ZSCAN5A: variants seen among roughly 807,000 people sequenced by gnomAD.
ZSCAN5A encodes the protein zinc finger and SCAN domain-containing protein 5A.
In ZSCAN5A, 12 loss-of-function variants were observed where a neutral mutation model predicts 23.7. That is an observed-to-expected ratio of 0.51 (90% confidence interval 0.32 to 0.82). ZSCAN5A has a LOEUF of 0.82. Among genes scored for constraint, ZSCAN5A ranks in the 40% least tolerant of loss-of-function variants. ZSCAN5A has a pLI of 0.03. For synonymous variants in ZSCAN5A, 257 were observed against 239.9 expected, an observed-to-expected ratio of 1.07 and a Z score of -0.66; for missense variants, 597 against 617.9, an observed-to-expected ratio of 0.97 and a Z score of 0.36.
At chr19:56,250,369 A>C (rs977809825) in intron 2 of ZSCAN5A, among the ~76,000 whole-genome samples, 2 of 152,226 alleles carry the variant, frequency 1.3e-5, no homozygotes, top group African/African-American at 4.8e-5. Context: ...CCACTGGTGT[A>C]CAGTATAAAG....
rs1277553411 is a variant in ZSCAN5A, at chr19:56,221,626, C to G, written c.1440G>C (p.Leu480=). 6.2e-7 allele frequency: 1 copy of G among 1,611,640 alleles called. No homozygotes were observed. Among genetic ancestry groups the G allele is most frequent in the East Asian group, 2.2e-5 (1 of 44,870 alleles). Residue 480 remains leucine, a synonymous_variant, in exon 6 of 6, where the codon CTG becomes CTC. Coordinates refer to ENST00000683990, the MANE Select transcript of ZSCAN5A (RefSeq NM_001322064.3). ...TTTTCTGGTGGCGTCTTAACAATTT[C>G]AGCCGACTGAAGGCTCTTGGACACT... ...CSKCPRAFSR[L]KLLRRHQKTH...
At position 56,302,581 on chromosome 19, in the gene ZSCAN5A, C is replaced by CTCCCTCCCCTCTT. The variant is rs1555807484; in HGVS notation, c.-128+10701_-128+10702insAAGAGGGGAGGGA. On this transcript the variant is annotated intron_variant, in intron 2 of 5. Coordinates refer to ENST00000683990, the MANE Select transcript of ZSCAN5A (RefSeq NM_001322064.3). Reference sequence around the variant, plus strand: ...CCTCCCCCCTTCCTTTTCTTCCTCCCCCTTTTCTTCCTCTCCCTCTTCTTC... The same window carrying CTCCCTCCCCTCTT: ...CCTCCCCCCTTCCTTTTCTTCCTCCCTCCCTCCCCTCTTCCTTTTCTTCCTCTCCCTCTTCTTC... Among the ~76,000 whole-genome samples, 49 of 40,018 alleles carry CTCCCTCCCCTCTT rather than the reference C, an allele frequency of 1.2e-3. 3 individuals carry two copies. The East Asian group carries it at 0.018, about 15-fold the overall frequency. 26.3% of individuals were successfully genotyped at this position (40,018 alleles called of 152,430 possible). A position where few individuals can be genotyped will look rare whatever the true frequency, so the allele number is the denominator to read the frequency against.
Position 56,321,905 on chromosome 19 carries a change from A to T in ZSCAN5A, c.-357-5637T>A, listed in dbSNP as rs1019046036. On this transcript the variant is annotated intron_variant, in intron 2 of 6. Coordinates refer to the ZSCAN5A transcript ENST00000587340. ...ACGCTCATCAAGGGCTTCTGTTACC[A>T]TCCGGTACTGCTCAATATCCAACTT... The T allele has an allele frequency of 5.1e-6, 4 of 784,478 alleles. No homozygotes were observed. The South Asian group carries it at 5.4e-5, about 11-fold the overall frequency. The allele number at this position is 784,478 out of a possible 1,614,324, so 48.6% of individuals were successfully genotyped here. A position where few individuals can be genotyped will look rare whatever the true frequency, so the allele number is the denominator to read the frequency against.
chr19:56,229,688 T>C (rs543442999), intron 2 of ZSCAN5A, among the ~76,000 whole-genome samples: 6 of 152,344 alleles, frequency 3.9e-5, no homozygotes, highest in East Asian at 1.9e-4. Flanking sequence ...AATCTGCTGA[T>C]GTCTATTAAT....
chr19:56,268,120 T>G (rs140381845), intron 2 of ZSCAN5A, among the ~76,000 whole-genome samples: 4 of 152,108 alleles, frequency 2.6e-5, no homozygotes. Flanking sequence ...CTATCTAGGA[T>G]AGATGTGAAG....
chr19:56,313,921 T>G (rs2041204255), intron 1 of ZSCAN5A, among the ~76,000 whole-genome samples: 1 of 152,188 alleles, frequency 6.6e-6, no homozygotes, highest in Admixed American at 6.5e-5. Flanking sequence ...GGAAAACTTT[T>G]AGGGCAGCAG....
chr19:56,287,002 G>A (rs2039175915), intron 2 of ZSCAN5A, among the ~76,000 whole-genome samples: 1 of 152,226 alleles, frequency 6.6e-6, no homozygotes, highest in Admixed American at 6.5e-5. Flanking sequence ...GTGAGATTAT[G>A]ATAAAATGCC....
At chr19:56,229,677 G>T (rs967869580) in intron 2 of ZSCAN5A, among the ~76,000 whole-genome samples, 2 of 152,130 alleles carry the variant, frequency 1.3e-5, no homozygotes, top group East Asian at 3.8e-4. Context: ...AGACCGCATC[G>T]AATCTGCTGA....
At chr19:56,298,163 T>C (rs2040001806) in intron 2 of ZSCAN5A, 1 of 147,922 alleles carries the variant, frequency 6.8e-6, no homozygotes, top group African/African-American at 2.5e-5. Context: ...CAAGAAAAAA[T>C]AGAGGAGAAA....
chr19:56,307,254 C>T (rs2040748818), intron 2 of ZSCAN5A, among the ~76,000 whole-genome samples: 1 of 152,232 alleles, frequency 6.6e-6, no homozygotes, highest in South Asian at 2.1e-4. Flanking sequence ...CCTGGCATCC[C>T]CAGTGCCCTT....
intron 2 of ZSCAN5A, among the ~76,000 whole-genome samples, chr19:56,305,509 C>A (rs1456176688): frequency 2.0e-5 from 3 of 152,184 alleles, no homozygotes; most frequent in Non-Finnish European, 4.4e-5. Context: ...TTGCTCCCAC[C>A]TTTTGACTGT....
intron 2 of ZSCAN5A, among the ~76,000 whole-genome samples, chr19:56,253,804 T>C (rs1041898660): frequency 2.0e-5 from 3 of 152,152 alleles, no homozygotes; most frequent in African/African-American, 7.2e-5. Flanking sequence ...CAATTCAGGT[T>C]TTGCACGGGG....
intron 2 of ZSCAN5A, chr19:56,342,578 G>T: frequency 2.6e-6 from 1 of 386,528 alleles, no homozygotes; most frequent in East Asian, 5.8e-5. Context: ...AAGAGATCTT[G>T]TCAAGCAGAA....
chr19:56,238,364 G>A (rs1289198285), intron 2 of ZSCAN5A, among the ~76,000 whole-genome samples: 1 of 152,110 alleles, frequency 6.6e-6, no homozygotes, highest in African/African-American at 2.4e-5. Flanking sequence ...ACCATGAATA[G>A]GGATATGTAA....
At chr19:56,259,983 AAAATT>A (rs2037001933) in intron 2 of ZSCAN5A, among the ~76,000 whole-genome samples, 5 of 152,232 alleles carry the variant, frequency 3.3e-5, no homozygotes, top group Non-Finnish European at 5.9e-5. Flanking sequence ...TAAAAAAATA[AAAATT>A]AAAAAATTGT....
intron 2 of ZSCAN5A, among the ~76,000 whole-genome samples, chr19:56,255,205 T>C (rs1010873828): frequency 1.3e-5 from 2 of 152,178 alleles, no homozygotes; most frequent in Non-Finnish European, 2.9e-5. Context: ...GGAACTTCCA[T>C]TTTAGTTAGG....
chr19:56,294,217 C>T (rs2039709133), intron 2 of ZSCAN5A, among the ~76,000 whole-genome samples: 1 of 152,182 alleles, frequency 6.6e-6, no homozygotes, highest in Non-Finnish European at 1.5e-5. Context: ...AAACACCTGC[C>T]TAAGGGCCCA....
At chr19:56,265,475 T>G (rs574968277) in intron 2 of ZSCAN5A, among the ~76,000 whole-genome samples, 109 of 151,362 alleles carry the variant, frequency 7.2e-4, no homozygotes, top group South Asian at 1.3e-3. Flanking sequence ...AGAGATCCAA[T>G]GGAAGGAAGA....
intron 2 of ZSCAN5A, chr19:56,321,389 C>T (rs2041374089): frequency 1.6e-5 from 10 of 645,022 alleles, no homozygotes; most frequent in African/African-American, 7.3e-5. Context: ...TGGCAGATAG[C>T]TGCAGCATCC....
Sources: gnomAD v4.1 joint callset for allele counts (sites outside exome capture counted in the v4.1 genomes callset) on GRCh38, gnomAD v4.1.1 for gene constraint, MANE v1.5 for transcripts, NCBI Gene and HGNC (gene_info 2026-07-23, HGNC 2026-07-21) for gene names.